The following DOCK8 variants were observed in gnomAD, a reference collection of about 807,000 sequenced individuals.
DOCK8 encodes the protein dedicator of cytokinesis protein 8.
Under a neutral mutation model 245.6 loss-of-function variants are expected in DOCK8, and 141 were observed. That is an observed-to-expected ratio of 0.57 (90% confidence interval 0.50 to 0.66). DOCK8 has a LOEUF of 0.66. Ranked by LOEUF, DOCK8 falls within the 30% of genes least tolerant of loss-of-function variation. The pLI is 0.00. For missense variants in DOCK8, 2,965 were observed against 2,603.4 expected (o/e 1.14, Z -3.02); for synonymous variants, 1,168 against 970.2 (o/e 1.20, Z -3.79).
At chr9:368,338 T>C in intron 15 of DOCK8, 1 of 725,760 alleles carries the variant, frequency 1.4e-6, no homozygotes, top group Non-Finnish European at 2.6e-6. Context: ...CGGCTTATTC[T>C]GTAGTGAGCT....
intron 9 of DOCK8, among the ~76,000 whole-genome samples, chr9:331,966 A>G (rs1341699233): frequency 1.3e-5 from 2 of 152,200 alleles, no homozygotes; most frequent in African/African-American, 2.4e-5. Context: ...TCTTTTTTAC[A>G]TTGTAAGCAA....
chr9:212,162 T>C (rs2046629323), upstream of DOCK8, among the ~76,000 whole-genome samples: 1 of 152,182 alleles, frequency 6.6e-6, no homozygotes, highest in Admixed American at 6.5e-5. Flanking sequence ...TATGAATTAA[T>C]TTTTATAAAG....
intron 14 of DOCK8, among the ~76,000 whole-genome samples, chr9:350,295 A>G (rs899916546): frequency 1.3e-5 from 2 of 152,130 alleles, no homozygotes; most frequent in Admixed American, 1.3e-4. Context: ...TATCTTTTCT[A>G]GAGACAAGGT....
chr9:284,648 T>C (rs1249056807), intron 2 of DOCK8: 1 of 152,170 alleles, frequency 6.6e-6, no homozygotes, highest in Non-Finnish European at 1.5e-5. Flanking sequence ...CGTGTGAATG[T>C]TTATTGCAAC....
At chr9:403,033 G>A (rs2055188580) in intron 26 of DOCK8, among the ~76,000 whole-genome samples, 1 of 152,152 alleles carries the variant, frequency 6.6e-6, no homozygotes. Flanking sequence ...GGGATTACAG[G>A]TGTGTGGCAC....
At chr9:261,542 T>C (rs904248595) in intron 1 of DOCK8, among the ~76,000 whole-genome samples, 1 of 152,234 alleles carries the variant, frequency 6.6e-6, no homozygotes, top group Non-Finnish European at 1.5e-5. Flanking sequence ...ATGGTCAATA[T>C]GTAAATGTTT....
At chr9:443,084 T>C (rs558744031) in intron 42 of DOCK8, among the ~76,000 whole-genome samples, 35 of 152,314 alleles carry the variant, frequency 2.3e-4, no homozygotes, top group Admixed American at 2.1e-3. Context: ...GCACTGTGAT[T>C]TGCCACAATA....
At chr9:355,769 C>T (rs1021044376) in intron 14 of DOCK8, among the ~76,000 whole-genome samples, 2 of 152,168 alleles carry the variant, frequency 1.3e-5, no homozygotes, top group Admixed American at 1.3e-4. Context: ...ACCCCAGCAC[C>T]TTGTACACCC....
chr9:369,971 T>A, intron 15 of DOCK8: 1 of 497,744 alleles, frequency 2.0e-6, no homozygotes, highest in Admixed American at 3.2e-5. Context: ...CTGGCTAATT[T>A]TTGTATTTTT....
At chr9:281,482 C>G (rs908519555) in intron 2 of DOCK8, among the ~76,000 whole-genome samples, 1 of 152,098 alleles carries the variant, frequency 6.6e-6, no homozygotes, top group Non-Finnish European at 1.5e-5. Context: ...TCCAGGGACC[C>G]AAGTCTTGCC....
At chr9:274,705 G>A (rs528844617) in intron 2 of DOCK8, among the ~76,000 whole-genome samples, 1 of 151,904 alleles carries the variant, frequency 6.6e-6, no homozygotes. Context: ...GGAACATGTC[G>A]GTAAGATTCA....
chr9:395,863 A>C (rs1441343322), intron 24 of DOCK8, among the ~76,000 whole-genome samples: 1 of 152,204 alleles, frequency 6.6e-6, no homozygotes, highest in Non-Finnish European at 1.5e-5. Context: ...AAGGATATCT[A>C]TATATAGATA....
chr9:287,935 A>G (rs1160354986), intron 3 of DOCK8, among the ~76,000 whole-genome samples: 1 of 152,150 alleles, frequency 6.6e-6, no homozygotes, highest in East Asian at 1.9e-4. Context: ...GCTACTTGGG[A>G]GGCTGAGGCA....
At chr9:350,322 G>A (rs907284087) in intron 14 of DOCK8, among the ~76,000 whole-genome samples, 3 of 152,152 alleles carry the variant, frequency 2.0e-5, no homozygotes, top group Non-Finnish European at 4.4e-5. Context: ...CTGTTGCCCA[G>A]GCTGGTCTTG....
intron 8 of DOCK8, 84 bp from the exon 9 acceptor site, chr9:327,938 G>T (rs2296825): frequency 7.4e-7 from 1 of 1,352,204 alleles, no homozygotes; most frequent in Non-Finnish European, 1.1e-6. Flanking sequence ...AAATTTCTCT[G>T]TGGTGTTTTT....
chr9:211,268 C>T (rs957991961), upstream of DOCK8, among the ~76,000 whole-genome samples: 7 of 152,020 alleles, frequency 4.6e-5, no homozygotes, highest in Admixed American at 3.3e-4. Context: ...GACAGGAGCA[C>T]CGCCTGCTTT....
intron 15 of DOCK8, chr9:369,162 A>G (rs770731768): frequency 2.4e-5 from 1 of 41,668 alleles, no homozygotes; most frequent in Non-Finnish European, 6.2e-5. Flanking sequence ...GTCCCACCCA[A>G]AGAAAAAAAG....
intron 37 of DOCK8, 126 bp downstream of exon 37, chr9:432,450 C>T: frequency 4.3e-6 from 4 of 936,782 alleles, no homozygotes; most frequent in Non-Finnish European, 6.4e-6. Flanking sequence ...ATTTATTGTC[C>T]AATATGCATG....
chr9:290,881 G>A (rs1296478064), intron 4 of DOCK8, among the ~76,000 whole-genome samples: 3 of 152,214 alleles, frequency 2.0e-5, no homozygotes, highest in South Asian at 2.1e-4. Flanking sequence ...CATTGAGTTT[G>A]TGCTGAGGTT....
Sources: allele counts gnomAD v4.1 joint callset (sites outside exome capture counted in the v4.1 genomes callset), GRCh38; gene constraint gnomAD v4.1.1; transcripts MANE v1.5; gene names NCBI Gene and HGNC (gene_info 2026-07-23, HGNC 2026-07-21).